The following NOTCH2 variants were observed in gnomAD, a reference collection of about 807,000 sequenced individuals.
NOTCH2 encodes the protein notch receptor 2.
In NOTCH2, 29 loss-of-function variants were observed where a neutral mutation model predicts 235.8. That is an observed-to-expected ratio of 0.12 (90% CI 0.09 to 0.17). The LOEUF (loss-of-function observed/expected upper bound fraction) is 0.17, where lower values mean the gene tolerates loss of function less well. Ranked by LOEUF, NOTCH2 falls within the 10% of genes least tolerant of loss-of-function variation. The pLI, the probability that NOTCH2 is intolerant of heterozygous loss-of-function variation, is 1.00. For missense variants in NOTCH2, 2,285 were observed against 3,150.2 expected, an observed-to-expected ratio of 0.73 and a Z score of 6.57; for synonymous variants, 1,086 against 1,141.5, an observed-to-expected ratio of 0.95 and a Z score of 0.98.
At chr1:119,931,872 A>T (rs1649672630) in intron 22 of NOTCH2, among the ~76,000 whole-genome samples, 1 of 151,548 alleles carries the variant, frequency 6.6e-6, no homozygotes, top group South Asian at 2.1e-4. Context: ...AAAAATCACT[A>T]TAAAGAAAAA....
At chr1:120,060,514 C>T (rs1655277461) in intron 1 of NOTCH2, among the ~76,000 whole-genome samples, 1 of 149,142 alleles carries the variant, frequency 6.7e-6, no homozygotes, top group Admixed American at 6.7e-5. Flanking sequence ...GTAAAAAAAC[C>T]AAAGACGTAT....
chr1:119,982,006 C>T (rs1030543752), intron 5 of NOTCH2, among the ~76,000 whole-genome samples: 1 of 151,752 alleles, frequency 6.6e-6, no homozygotes, highest in Non-Finnish European at 1.5e-5. Context: ...AATTCATCAC[C>T]AGCTAGAGGC....
At chr1:119,940,242 C>A (rs1650015543) in intron 19 of NOTCH2, among the ~76,000 whole-genome samples, 1 of 152,156 alleles carries the variant, frequency 6.6e-6, no homozygotes, top group East Asian at 1.9e-4. Flanking sequence ...TTCTTCAGTT[C>A]TTTTTGTGCT....
rs587629807 is a variant in NOTCH2, at chr1:119,946,341, C to T, written c.2752+2073G>A. ...GCATTGCCCTCTTATCACAACCAGACAATGGTAGTCCAAGAAACCTGGAGA... is the reference window on the plus strand; with the variant it reads ...GCATTGCCCTCTTATCACAACCAGATAATGGTAGTCCAAGAAACCTGGAGA... On this transcript the variant is annotated intron_variant, in intron 17 of 33. Transcript: ENST00000256646. 1.4e-4 allele frequency among the ~76,000 whole-genome samples: 22 copies of T among 152,136 alleles called. No individual in the cohort carries two copies. In the East Asian group the frequency reaches 3.9e-3, roughly 27 times the overall value.
At chr1:119,968,296 T>G in intron 6 of NOTCH2, 64 bp from the exon 7 acceptor site, 6 of 1,539,712 alleles carry the variant, frequency 3.9e-6, no homozygotes, top group Non-Finnish European at 5.3e-6. Context: ...AAGAGCTTTC[T>G]CTTTCACCCA....
chr1:119,986,861 G>A (rs1652038808), intron 5 of NOTCH2, 99 bp downstream of exon 5: 3 of 1,492,230 alleles, frequency 2.0e-6, no homozygotes, highest in East Asian at 2.3e-5. Flanking sequence ...TGGTTCCAGA[G>A]CAGGCCTAAG....
intron 31 of NOTCH2, among the ~76,000 whole-genome samples, chr1:119,918,830 A>G (rs1019061921): frequency 3.3e-5 from 5 of 152,230 alleles, no homozygotes; most frequent in African/African-American, 9.6e-5. Context: ...AAATATCACA[A>G]CTTCAGTCAG....
chr1:119,925,739 G>A lies in NOTCH2; in HGVS notation c.4077C>T (p.His1359=), dbSNP rs1257579492. ...VKCRKGEQCV[H]TASGPRCFCP... is the part of the protein sequence containing the mutation. ...AGAAGCAGCGGGGTCCAGAGGCGGT[G>A]TGCACACACTGCTCCCCCTTCCTAC... is the stretch of plus-strand genomic sequence containing the variant. Residue 1359 remains histidine, a synonymous_variant, in exon 25 of 34, where the codon CAC becomes CAT. Coordinates refer to ENST00000256646, the MANE Select transcript of NOTCH2 (RefSeq NM_024408.4). The A allele has an allele frequency of 5.0e-6, 8 of 1,613,926 alleles. No homozygotes were observed. Among genetic ancestry groups the A allele is most frequent in the Admixed American group, 1.7e-5 (1 of 59,998 alleles).
chr1:119,950,888 A>C, intron 14 of NOTCH2, 51 bp from the exon 15 acceptor site: 3 of 1,138,880 alleles, frequency 2.6e-6, no homozygotes, highest in South Asian at 2.5e-5. Context: ...TGACAGCCTC[A>C]TCAATTTCTA....
At chr1:120,039,147 G>T (rs1245591631) in intron 1 of NOTCH2, among the ~76,000 whole-genome samples, 3 of 151,906 alleles carry the variant, frequency 2.0e-5, no homozygotes, top group South Asian at 2.1e-4. Flanking sequence ...ATGTCCAAAA[G>T]GTTCAGGATC....
At chr1:120,014,274 A>C (rs1570747321) in intron 2 of NOTCH2, among the ~76,000 whole-genome samples, 1 of 151,956 alleles carries the variant, frequency 6.6e-6, no homozygotes, top group South Asian at 2.1e-4. Context: ...CTTTTTCTTT[A>C]AAAGTCTCAG....
chr1:119,972,887 G>A (rs1437884496), intron 5 of NOTCH2, among the ~76,000 whole-genome samples: 3 of 152,168 alleles, frequency 2.0e-5, no homozygotes, highest in African/African-American at 7.2e-5. Context: ...CTTCCCAAGG[G>A]CACACAGACA....
chr1:119,953,313 CAA>C (rs10695258), intron 14 of NOTCH2, among the ~76,000 whole-genome samples: 3 of 143,834 alleles, frequency 2.1e-5, no homozygotes, highest in Non-Finnish European at 1.5e-5. Context: ...AACTCTGTGT[CAA>C]AAAAAAAAAA....
chr1:119,969,799 C>A (rs1406141745), intron 5 of NOTCH2, 55 bp from the exon 6 acceptor site: 22 of 1,423,632 alleles, frequency 1.5e-5, no homozygotes, highest in Middle Eastern at 3.5e-4. Flanking sequence ...AGGACTAGTA[C>A]CATACCAGCC....
At chr1:119,959,858 A>C (rs1650868826) in intron 11 of NOTCH2, among the ~76,000 whole-genome samples, 1 of 152,198 alleles carries the variant, frequency 6.6e-6, no homozygotes, top group Admixed American at 6.5e-5. Context: ...ACAGTTAAAC[A>C]AGCAAAAACG....
chr1:119,973,241 A>T (rs1651434923), intron 5 of NOTCH2, among the ~76,000 whole-genome samples: 1 of 152,124 alleles, frequency 6.6e-6, no homozygotes, highest in South Asian at 2.1e-4. Context: ...CTGCCAGATT[A>T]TTTTCTCCCT....
Position 119,986,971 on chromosome 1 carries a change from G to C in NOTCH2, c.863C>G (p.Pro288Arg). ...CACACTGTACATACCTGTCCATTGT[G>C]GGGGACAGCGGCAGTTGTAAGTGTT... ...GVNTYNCRCP[P>R]QWTGQFCTED... Residue 288 changes from proline (P) to arginine (R), a missense_variant, in exon 5 of 34, where the codon CCA becomes CGA. By Grantham distance (103) the Pro-to-Arg change is moderately radical. Around this residue, in one of 6 missense-constraint regions of NOTCH2, gnomAD observed 431 missense variants for 757.8 expected, o/e 0.57. Transcript: ENST00000256646. 6.2e-7 allele frequency: 1 copy of C among 1,613,578 alleles called. No homozygotes were observed. The highest frequency in any genetic ancestry group is 8.5e-7 in the Non-Finnish European group (1 of 1,179,594).
chr1:119,968,679 T>C (rs1651245552), intron 6 of NOTCH2, among the ~76,000 whole-genome samples: 1 of 152,228 alleles, frequency 6.6e-6, no homozygotes, highest in Admixed American at 6.5e-5. Flanking sequence ...TGCTACCTGA[T>C]GATCATGGGG....
Position 119,914,417 on chromosome 1 carries a change from A to T in NOTCH2, c.*889T>A, listed in dbSNP as rs1648992994. The stretch of plus-strand genomic sequence containing the variant: ...TAGTAACTAGACTATCAAGGATAAA[A>T]CTTTACACTGACCAGGCCCATACAC... On this transcript the variant is annotated 3_prime_UTR_variant, in exon 34 of 34. Coordinates refer to ENST00000256646, the MANE Select transcript of NOTCH2 (RefSeq NM_024408.4). The T allele has an allele frequency of 1.3e-5, 3 of 233,072 alleles. No individual in the cohort carries two copies. The Admixed American group carries it at 1.7e-4, about 13-fold the overall frequency. 14.4% of individuals were successfully genotyped at this position (233,072 alleles called of 1,614,324 possible).
Sources: allele counts gnomAD v4.1 joint callset (sites outside exome capture counted in the v4.1 genomes callset), GRCh38; gene constraint gnomAD v4.1.1; regional missense constraint gnomAD v4.1.1; transcripts MANE v1.5; gene names NCBI Gene and HGNC (gene_info 2026-07-23, HGNC 2026-07-21).